SLC14A2: variants seen among roughly 807,000 people sequenced by gnomAD.
SLC14A2 encodes solute carrier family 14 member 2.
Under a neutral mutation model 104.6 loss-of-function variants are expected in SLC14A2, and 91 were observed. The observed-to-expected ratio is 0.87, with a 90% CI of 0.73 to 1.04. The LOEUF (loss-of-function observed/expected upper bound fraction) is 1.04, where lower values mean the gene tolerates loss of function less well. Among genes scored for constraint, SLC14A2 ranks in the 50% least tolerant of loss-of-function variants. The pLI, the probability that SLC14A2 is intolerant of heterozygous loss-of-function variation, is 0.00. For synonymous variants in SLC14A2, 476 were observed against 466.4 expected (o/e 1.02, Z -0.27); for missense variants, 1,189 against 1,156.0 (o/e 1.03, Z -0.41).
the SLC14A2 span, among the ~76,000 whole-genome samples, chr18:45,173,264 C>T: frequency 6.6e-6 from 1 of 152,004 alleles, no homozygotes; most frequent in Non-Finnish European, 1.5e-5. Context: ...ATACAAAATA[C>T]TAAAGGAAAA....
chr18:45,263,546 C>G (rs2084561038), intron 1 of SLC14A2, among the ~76,000 whole-genome samples: 1 of 152,194 alleles, frequency 6.6e-6, no homozygotes, highest in Non-Finnish European at 1.5e-5. Flanking sequence ...ATTGGTGGAT[C>G]TTGCCTGTAC....
chr18:45,308,145 C>G (rs909753137), intron 1 of SLC14A2, among the ~76,000 whole-genome samples: 1 of 152,170 alleles, frequency 6.6e-6, no homozygotes, highest in Non-Finnish European at 1.5e-5. Context: ...AAACACCTCC[C>G]GGTATGTCCC....
chr18:45,340,024 T>C (rs2085377867), intron 1 of SLC14A2, among the ~76,000 whole-genome samples: 1 of 152,234 alleles, frequency 6.6e-6, no homozygotes, highest in Non-Finnish European at 1.5e-5. Context: ...GCATAGCCTC[T>C]GCTTACCTGG....
chr18:45,586,132 G>A (rs1023293713), intron 2 of SLC14A2, among the ~76,000 whole-genome samples: 1 of 152,196 alleles, frequency 6.6e-6, no homozygotes, highest in Non-Finnish European at 1.5e-5. Flanking sequence ...AAGTAATTGC[G>A]GTTTTGCCAT....
rs150939891 is a variant in SLC14A2 at position 45,666,958 on chromosome 18, C to T, written c.1581C>T (p.Ser527=). Reference sequence around the variant, plus strand: ...AGGATCTGGACACCATGGAGGAGAGCTCTGAGATAAAAGTGGAAACAAACA... The same window carrying T: ...AGGATCTGGACACCATGGAGGAGAGTTCTGAGATAAAAGTGGAAACAAACA... ...ELLDLDTMEE[S]SEIKVETNIS... Residue 527 remains serine (S), a synonymous_variant, in exon 13 of 20, where the codon AGC becomes AGT. Coordinates refer to ENST00000255226, the MANE Select transcript of SLC14A2 (RefSeq NM_007163.4). 527 of 1,614,034 alleles carry T rather than the reference C, an allele frequency of 3.3e-4. 1 individual carries two copies. In the Middle Eastern group the frequency reaches 6.4e-3, roughly 20 times the overall value.
chr18:45,180,759 A>G, the SLC14A2 span, among the ~76,000 whole-genome samples: 3 of 152,344 alleles, frequency 2.0e-5, no homozygotes, highest in South Asian at 6.2e-4. Context: ...TAGTGAAATG[A>G]TATTTTTGAA....
Position 45,625,802 on chromosome 18 carries a change from C to T in SLC14A2, c.270C>T (p.Cys90=). 1 of 1,542,020 alleles carries T rather than the reference C, an allele frequency of 6.5e-7. No individual in the cohort carries two copies. Among genetic ancestry groups the T allele is most frequent in the Non-Finnish European group, 8.7e-7 (1 of 1,150,300 alleles). ...HRDSAGQRCI[C]LSKAVGYLTG... is the part of the protein sequence containing the mutation. ...ACTCAGCAGGCCAAAGGTGCATCTG[C>T]CTCTCCAAAGCAGTGGGCTACCTCA... Residue 90 remains cysteine, a synonymous_variant, in exon 3 of 20, where the codon TGC becomes TGT. Transcript: ENST00000255226.
At chr18:45,522,166 G>C (rs895424965) in intron 2 of SLC14A2, among the ~76,000 whole-genome samples, 2 of 152,208 alleles carry the variant, frequency 1.3e-5, no homozygotes, top group Non-Finnish European at 2.9e-5. Flanking sequence ...TTTCAAATGG[G>C]AGCATGCATG....
chr18:45,356,403 C>T (rs1032584050), intron 1 of SLC14A2, among the ~76,000 whole-genome samples: 1 of 152,108 alleles, frequency 6.6e-6, no homozygotes, highest in Non-Finnish European at 1.5e-5. Context: ...CAGCAAAACC[C>T]ATCCAACAGA....
intron 2 of SLC14A2, among the ~76,000 whole-genome samples, chr18:45,596,441 A>G (rs1461486936): frequency 6.6e-6 from 1 of 152,218 alleles, no homozygotes; most frequent in Non-Finnish European, 1.5e-5. Flanking sequence ...GATGGCCAGA[A>G]TGGGCATTTC....
intron 2 of SLC14A2, among the ~76,000 whole-genome samples, chr18:45,554,505 G>A (rs2144292698): frequency 6.6e-6 from 1 of 152,264 alleles, no homozygotes; most frequent in South Asian, 2.1e-4. Context: ...GCAAGGTGGG[G>A]GTGGAGGGAA....
At chr18:45,418,513 G>A (rs2086302846) in intron 1 of SLC14A2, among the ~76,000 whole-genome samples, 1 of 152,214 alleles carries the variant, frequency 6.6e-6, no homozygotes, top group African/African-American at 2.4e-5. Flanking sequence ...TAGAGTCTGA[G>A]AAAAGCCAGC....
chr18:45,525,944 T>A (rs1438080136), intron 2 of SLC14A2, among the ~76,000 whole-genome samples: 1 of 152,158 alleles, frequency 6.6e-6, no homozygotes, highest in African/African-American at 2.4e-5. Flanking sequence ...GTGTAACAAA[T>A]CTCAGCAAAA....
chr18:45,256,368 C>T (rs1478658696), intron 1 of SLC14A2, among the ~76,000 whole-genome samples: 2 of 152,154 alleles, frequency 1.3e-5, no homozygotes, highest in African/African-American at 4.8e-5. Context: ...TTTCAATCAC[C>T]CCCTTCCATC....
chr18:45,410,467 G>GAT (rs376498233), intron 1 of SLC14A2, among the ~76,000 whole-genome samples: 11 of 152,080 alleles, frequency 7.2e-5, no homozygotes, highest in African/African-American at 1.4e-4. Flanking sequence ...AACCTCATAT[G>GAT]ATATATATAT....
At chr18:45,575,838 C>G (rs1337053789) in intron 2 of SLC14A2, among the ~76,000 whole-genome samples, 1 of 147,942 alleles carries the variant, frequency 6.8e-6, no homozygotes, top group Non-Finnish European at 1.5e-5. Flanking sequence ...CCATGCTGGG[C>G]TCTGAATTTC....
chr18:45,656,648 G>T (rs867910662), intron 10 of SLC14A2, among the ~76,000 whole-genome samples: 2 of 152,184 alleles, frequency 1.3e-5, no homozygotes, highest in Admixed American at 1.3e-4. Flanking sequence ...TCAGTCTGGT[G>T]TCCCGCAGTT....
At chr18:45,515,080 C>A (rs2043419566) in intron 2 of SLC14A2, among the ~76,000 whole-genome samples, 1 of 152,198 alleles carries the variant, frequency 6.6e-6, no homozygotes, top group Non-Finnish European at 1.5e-5. Context: ...GCAGACTTAG[C>A]ATACCACTCA....
chr18:45,513,634 C>CAT (rs1398633445), intron 2 of SLC14A2, among the ~76,000 whole-genome samples: 5 of 152,170 alleles, frequency 3.3e-5, no homozygotes, highest in South Asian at 4.2e-4. Context: ...AGATTTTATC[C>CAT]ATATATACAT....
Sources: gnomAD v4.1 joint callset for allele counts (sites outside exome capture counted in the v4.1 genomes callset) on GRCh38, gnomAD v4.1.1 for gene constraint, MANE v1.5 for transcripts, NCBI Gene and HGNC (gene_info 2026-07-23, HGNC 2026-07-21) for gene names.